ERG: variants seen among roughly 807,000 people sequenced by gnomAD.
The protein encoded by ERG is transcriptional regulator ERG.
A neutral mutation model predicts 55.3 loss-of-function variants in ERG; 9 were observed. That is an observed-to-expected ratio of 0.16 (90% CI 0.10 to 0.28). The LOEUF (loss-of-function observed/expected upper bound fraction) is 0.28, where lower values mean the gene tolerates loss of function less well. Among genes scored for constraint, ERG ranks in the 10% least tolerant of loss-of-function variants. The probability of loss-of-function intolerance (pLI) is 1.00; values close to 1 mark genes in which losing one functional copy is unlikely to be tolerated. For missense variants in ERG, 434 were observed against 631.6 expected (o/e 0.69, Z 3.35); for synonymous variants, 223 against 237.3 (o/e 0.94, Z 0.55).
chr21:38,368,389 A>G, the ERG span, among the ~76,000 whole-genome samples: 1 of 77,030 alleles, frequency 1.3e-5, no homozygotes, highest in African/African-American at 5.5e-5. Flanking sequence ...TGAGTTTGTT[A>G]GTTTCATTAA....
chr21:38,459,516 C>T (rs575571396), intron 1 of ERG, among the ~76,000 whole-genome samples: 1 of 152,334 alleles, frequency 6.6e-6, no homozygotes, highest in Admixed American at 6.5e-5. Context: ...AACATCTTTG[C>T]TTCTGCTACA....
Position 38,650,296 on chromosome 21 carries a change from G to A in ERG, c.-150+11362C>T, listed in dbSNP as rs138650713. 2.4e-3 allele frequency among the ~76,000 whole-genome samples: 371 copies of A among 152,276 alleles called. 3 individuals are homozygous for A. Among genetic ancestry groups the A allele is most frequent in the African/African-American group, 8.1e-3 (338 of 41,564 alleles). On this transcript the variant is annotated intron_variant, in intron 1 of 10. Transcript: ENST00000398910. ...AATGTGAATGAGTAAGAATCTGCTAGTGAAGTTTCTTACTTTGCACAAAAA... is the reference window on the plus strand; with the variant it reads ...AATGTGAATGAGTAAGAATCTGCTAATGAAGTTTCTTACTTTGCACAAAAA...
At chr21:38,500,607 T>C (rs2059413779), upstream of ERG, among the ~76,000 whole-genome samples, 1 of 152,210 alleles carries the variant, frequency 6.6e-6, no homozygotes, top group Non-Finnish European at 1.5e-5. Flanking sequence ...ATGCTCTCTC[T>C]CTCTCAATCT....
chr21:38,652,155 C>CA (rs542804057), intron 1 of ERG, among the ~76,000 whole-genome samples: 1 of 152,200 alleles, frequency 6.6e-6, no homozygotes, highest in African/African-American at 2.4e-5. Context: ...TCAGTTTCCA[C>CA]ACTGTGTGAC....
intron 1 of ERG, among the ~76,000 whole-genome samples, chr21:38,604,511 C>T (rs2060185333): frequency 6.6e-6 from 1 of 152,026 alleles, no homozygotes; most frequent in African/African-American, 2.4e-5. Flanking sequence ...GTCCTTAAAG[C>T]ATTACTTTTT....
chr21:38,388,610 A>AC (rs1987820579), intron 9 of ERG, among the ~76,000 whole-genome samples: 1 of 152,206 alleles, frequency 6.6e-6, no homozygotes, highest in South Asian at 2.1e-4. Context: ...ACAGACACAA[A>AC]CCTAAAGATA....
At chr21:38,591,951 G>A (rs988116124) in intron 1 of ERG, among the ~76,000 whole-genome samples, 5 of 152,216 alleles carry the variant, frequency 3.3e-5, no homozygotes, top group African/African-American at 1.2e-4. Context: ...GATAAAGGGA[G>A]CCAGTGGAGT....
At chr21:38,370,647 T>G in the ERG span, among the ~76,000 whole-genome samples, 1 of 152,060 alleles carries the variant, frequency 6.6e-6, no homozygotes, top group Non-Finnish European at 1.5e-5. Context: ...TTATAAAGAT[T>G]TCTAGTTGTT....
chr21:38,417,976 A>G (rs1790589905), intron 3 of ERG, among the ~76,000 whole-genome samples: 1 of 152,160 alleles, frequency 6.6e-6, no homozygotes, highest in Non-Finnish European at 1.5e-5. Flanking sequence ...CCATGTTCAC[A>G]GCCAACACCT....
At chr21:38,471,845 A>G (rs1023011739) in intron 1 of ERG, 1 of 152,212 alleles carries the variant, frequency 6.6e-6, no homozygotes, top group Non-Finnish European at 1.5e-5. Context: ...GTATCCAACA[A>G]ACCTATTTGT....
intron 1 of ERG, among the ~76,000 whole-genome samples, chr21:38,448,706 C>A (rs1022694398): frequency 1.3e-5 from 2 of 152,234 alleles, no homozygotes; most frequent in Non-Finnish European, 2.9e-5. Context: ...CACAGCCCTG[C>A]CACATCTTTG....
chr21:38,600,863 A>C (rs772320066), intron 1 of ERG, among the ~76,000 whole-genome samples: 4 of 152,130 alleles, frequency 2.6e-5, no homozygotes, highest in Non-Finnish European at 5.9e-5. Context: ...GAGACTTCAG[A>C]TGATTTCAAA....
rs2059449730 is a variant in ERG, at chr21:38,505,041, T to C, written c.-41+70621A>G. Among the ~76,000 whole-genome samples, 4 of 152,374 alleles carry C rather than the reference T, an allele frequency of 2.6e-5. No homozygotes were observed. The South Asian group carries it at 8.3e-4, about 32-fold the overall frequency. On this transcript the variant is annotated intron_variant, in intron 2 of 8. Transcript: ENST00000398897. ...ATTAATAATTTTTCCTGCTGCTTTC[T>C]AAAGTTGGCTTTTAGTTTTCGGTTG...
At chr21:38,587,496 T>C (rs1227776012), upstream of ERG, among the ~76,000 whole-genome samples, 7 of 152,112 alleles carry the variant, frequency 4.6e-5, no homozygotes, top group South Asian at 1.0e-3. Flanking sequence ...GTAGCTGGGA[T>C]TACAGGCGCC....
At chr21:38,526,141 G>C (rs147987859) in intron 2 of ERG, among the ~76,000 whole-genome samples, 216 of 152,262 alleles carry the variant, frequency 1.4e-3, no homozygotes, top group Non-Finnish European at 2.6e-3. Flanking sequence ...AGGACCACTG[G>C]AGGATGAGGG....
rs1022048664 is a variant in ERG at position 38,558,317 on chromosome 21, C to G, written c.-41+17345G>C. Among the ~76,000 whole-genome samples the G allele has an allele frequency of 2.6e-5, 4 of 152,148 alleles. No homozygotes were observed. The East Asian group carries it at 5.8e-4, about 22-fold the overall frequency. ...TGAAACAGGTCAACACTGGGGTTAG[C>G]AAGAAACTTTAAACTGAATAGGAGA... On this transcript the variant is annotated intron_variant, in intron 2 of 8. Coordinates refer to the ERG transcript ENST00000398897.
chr21:38,419,374 G>T (rs971005920), intron 3 of ERG, among the ~76,000 whole-genome samples: 2 of 152,168 alleles, frequency 1.3e-5, no homozygotes, highest in African/African-American at 2.4e-5. Context: ...TTAATAGCTG[G>T]ACCATCTTTT....
intron 9 of ERG, among the ~76,000 whole-genome samples, chr21:38,389,495 A>C (rs1272510185): frequency 6.6e-6 from 1 of 151,938 alleles, no homozygotes; most frequent in Non-Finnish European, 1.5e-5. Context: ...TTGCTGCCAG[A>C]TCAGTCTTCC....
intron 3 of ERG, among the ~76,000 whole-genome samples, chr21:38,414,202 T>C (rs1219299164): frequency 6.6e-6 from 1 of 152,224 alleles, no homozygotes; most frequent in Non-Finnish European, 1.5e-5. Flanking sequence ...TGTCTTCACA[T>C]GGAGTTCTCC....
Sources: gnomAD v4.1 joint callset for allele counts (sites outside exome capture counted in the v4.1 genomes callset) on GRCh38, gnomAD v4.1.1 for gene constraint, MANE v1.5 for transcripts, NCBI Gene and HGNC (gene_info 2026-07-23, HGNC 2026-07-21) for gene names.